Variants in SBF2 observed in about 807,000 individuals in gnomAD.
SBF2 encodes the protein SET binding factor 2, also known as myotubularin-related protein 13.
A neutral mutation model predicts 225.2 loss-of-function variants in SBF2; 112 were observed. The ratio of observed to expected loss-of-function variants is 0.50; its 90% CI spans 0.43 to 0.58. SBF2 has a LOEUF of 0.58. SBF2 is among the 20% of genes least tolerant of loss of function. SBF2 has a pLI of 0.00. For synonymous variants in SBF2, 763 were observed against 773.3 expected (o/e 0.99, Z 0.22); for missense variants, 1,996 against 2,206.2 (o/e 0.90, Z 1.91).
At chr11:9,976,599 C>T (rs2134416437) in intron 13 of SBF2, among the ~76,000 whole-genome samples, 1 of 152,094 alleles carries the variant, frequency 6.6e-6, no homozygotes, top group Middle Eastern at 3.4e-3. Context: ...CAAAGCGAGA[C>T]ACCACCTCCA....
chr11:10,040,834 G>A (rs549150167), intron 3 of SBF2, among the ~76,000 whole-genome samples: 16 of 151,738 alleles, frequency 1.1e-4, no homozygotes, highest in Admixed American at 8.5e-4. Context: ...TAAAACGATG[G>A]GGCAAAATAT....
chr11:10,152,418 G>A (rs1175378738), intron 2 of SBF2, among the ~76,000 whole-genome samples: 2 of 152,006 alleles, frequency 1.3e-5, no homozygotes, highest in African/African-American at 2.4e-5. Context: ...GCGTGGTGGT[G>A]CATGCCTGTA....
chr11:10,014,960 T>C (rs917525175), intron 6 of SBF2, among the ~76,000 whole-genome samples: 12 of 151,850 alleles, frequency 7.9e-5, no homozygotes, highest in African/African-American at 1.5e-4. Context: ...TGAAATCCCG[T>C]CTTTACTAAA....
intron 2 of SBF2, among the ~76,000 whole-genome samples, chr11:10,154,623 T>G (rs1399653390): frequency 6.6e-6 from 1 of 152,158 alleles, no homozygotes; most frequent in African/African-American, 2.4e-5. Context: ...CTAGTAATAT[T>G]TCTCTTAGTT....
intron 1 of SBF2, among the ~76,000 whole-genome samples, chr11:10,196,569 G>A (rs73415080): frequency 0.011 from 1,618 of 151,682 alleles, 34 homozygotes; most frequent in African/African-American, 0.037. Context: ...TGTAGAGACC[G>A]GGTTTCGCCA....
chr11:10,285,617 TAC>T (rs1381193160), intron 1 of SBF2, among the ~76,000 whole-genome samples: 1 of 152,224 alleles, frequency 6.6e-6, no homozygotes, highest in African/African-American at 2.4e-5. Flanking sequence ...CCTCTTCATT[TAC>T]ATAAGGCATA....
chr11:9,948,368 T>C (rs1865680353), intron 16 of SBF2, among the ~76,000 whole-genome samples: 1 of 152,120 alleles, frequency 6.6e-6, no homozygotes, highest in Non-Finnish European at 1.5e-5. Context: ...AATATAAATA[T>C]ACGTAATGCC....
At chr11:9,780,829 T>C (rs1851957017) in intron 39 of SBF2, 2 of 382,008 alleles carry the variant, frequency 5.2e-6, no homozygotes, top group Non-Finnish European at 1.0e-5. Flanking sequence ...ACCTTTCCCA[T>C]GCACTGCACC....
intron 2 of SBF2, among the ~76,000 whole-genome samples, chr11:10,169,464 T>G (rs1245543213): frequency 6.6e-6 from 1 of 152,200 alleles, no homozygotes; most frequent in Non-Finnish European, 1.5e-5. Context: ...CTAGCTTATT[T>G]CATTCAACAT....
At chr11:9,914,642 G>T (rs1415304838) in intron 16 of SBF2, among the ~76,000 whole-genome samples, 1 of 151,988 alleles carries the variant, frequency 6.6e-6, no homozygotes, top group African/African-American at 2.4e-5. Context: ...TAACTTTTTG[G>T]ACACACTATC....
In SBF2 at chr11:9,807,908, A is replaced by T. The variant is rs1853942563; in HGVS notation, c.4443+92T>A. 1.4e-5 allele frequency: 14 copies of T among 1,002,014 alleles called. 1 individual carries two copies. In the South Asian group the frequency reaches 1.9e-4, roughly 13 times the overall value. 62.1% of individuals were successfully genotyped at this position (1,002,014 alleles called of 1,614,324 possible). Reference sequence around the variant, plus strand: ...TGAGTTAATCAGAGTTATGACAGGAAGGTACCGGGCACACCATCGCAATGC... The same window carrying T: ...TGAGTTAATCAGAGTTATGACAGGATGGTACCGGGCACACCATCGCAATGC... On this transcript the variant is annotated intron_variant, in intron 32 of 39. Transcript: ENST00000256190.
chr11:9,978,273 C>T (rs1380412875), intron 13 of SBF2, among the ~76,000 whole-genome samples: 2 of 152,110 alleles, frequency 1.3e-5, no homozygotes, highest in African/African-American at 4.8e-5. Flanking sequence ...ATGATTTTGT[C>T]ATCACGGACT....
At chr11:10,173,075 GTTCTA>G (rs1485244603) in intron 2 of SBF2, among the ~76,000 whole-genome samples, 12 of 152,292 alleles carry the variant, frequency 7.9e-5, no homozygotes, top group Admixed American at 5.9e-4. Flanking sequence ...TTGATGTCTA[GTTCTA>G]TTCTATTGTG....
chr11:10,056,971 G>T (rs549635775), intron 2 of SBF2, among the ~76,000 whole-genome samples: 2 of 152,078 alleles, frequency 1.3e-5, no homozygotes, highest in African/African-American at 4.8e-5. Flanking sequence ...CACTGGGTGG[G>T]ACCTCCCAAA....
intron 6 of SBF2, among the ~76,000 whole-genome samples, chr11:10,004,586 A>ACAAAC (rs1413257536): frequency 2.0e-5 from 3 of 148,780 alleles, no homozygotes; most frequent in Non-Finnish European, 4.5e-5. Flanking sequence ...AAAAAAAAAA[A>ACAAAC]AAAAAAAAAC....
rs118138700 is a variant in SBF2 at position 9,882,535 on chromosome 11, A to G, written c.1929+13408T>C. On this transcript the variant is annotated intron_variant, in intron 17 of 39. Transcript: ENST00000256190. Reference sequence around the variant, plus strand: ...CTTAAACATAACTTCTCGGCCGGGCATGGTGGCTCATGTCTGTAATCCCAG... The same window carrying G: ...CTTAAACATAACTTCTCGGCCGGGCGTGGTGGCTCATGTCTGTAATCCCAG... 9.3e-3 allele frequency among the ~76,000 whole-genome samples: 1,409 copies of G among 152,268 alleles called. 15 individuals carry two copies. The highest frequency in any genetic ancestry group is 0.011 in the Non-Finnish European group (732 of 68,002).
In SBF2 at chr11:10,261,746, T is replaced by C. The variant is rs192569192; in HGVS notation, c.55+32269A>G. The stretch of plus-strand genomic sequence containing the variant: ...TCCGGGTATTCATCAATAGAATGGA[T>C]ATGCAAACTTGTTGATTCACATAAT... On this transcript the variant is annotated intron_variant, in intron 1 of 39. Transcript: ENST00000256190. 3.7e-4 allele frequency among the ~76,000 whole-genome samples: 57 copies of C among 152,332 alleles called. 1 individual carries two copies. Among genetic ancestry groups the C allele is most frequent in the African/African-American group, 1.2e-3 (51 of 41,576 alleles).
intron 2 of SBF2, among the ~76,000 whole-genome samples, chr11:10,051,193 G>C (rs1265344476): frequency 2.6e-5 from 4 of 151,942 alleles, no homozygotes; most frequent in Admixed American, 2.6e-4. Flanking sequence ...TAAATGTTTA[G>C]CTATTGAGCC....
At position 9,845,734 on chromosome 11, in the gene SBF2, T is replaced by C. The variant is rs1479115379; in HGVS notation, c.2941A>G (p.Lys981Glu). 16 of 1,613,592 alleles carry C rather than the reference T, an allele frequency of 9.9e-6. No homozygotes were observed. The Admixed American group carries it at 1.5e-4, about 15-fold the overall frequency. ...QITSASFQLI[K>E]VAFDEEVSPE... Reference sequence around the variant, plus strand: ...CTGACTTCTTCATCAAATGCTACCTTAATCAACTAGAAGCAAAAGAGATTA... The same window carrying C: ...CTGACTTCTTCATCAAATGCTACCTCAATCAACTAGAAGCAAAAGAGATTA... The change falls in exon 24 of 40, where the codon AAG becomes GAG. Residue 981 changes from lysine (K) to glutamate (E), a missense_variant. Physicochemically the swap from Lys to Glu is moderately conservative, Grantham distance 56. Transcript: ENST00000256190.
Sources: allele counts gnomAD v4.1 joint callset (sites outside exome capture counted in the v4.1 genomes callset), GRCh38; gene constraint gnomAD v4.1.1; transcripts MANE v1.5; gene names NCBI Gene and HGNC (gene_info 2026-07-23, HGNC 2026-07-21).